PTPRK: variants seen among roughly 807,000 people sequenced by gnomAD.
The protein encoded by PTPRK is receptor-type tyrosine-protein phosphatase kappa.
A neutral mutation model predicts 178.0 loss-of-function variants in PTPRK; 75 were observed. The observed-to-expected ratio is 0.42, with a 90% CI of 0.35 to 0.51. The LOEUF is 0.51. Among genes scored for constraint, PTPRK ranks in the 20% least tolerant of loss-of-function variants. PTPRK has a pLI of 0.02. For synonymous variants in PTPRK, 637 were observed against 620.6 expected (o/e 1.03, Z -0.39); for missense variants, 1,441 against 1,797.8 (o/e 0.80, Z 3.59).
Position 128,520,386 on chromosome 6 carries a change from C to G in PTPRK, c.-28G>C, listed in dbSNP as rs1858877124. 7 of 1,580,760 alleles carry G rather than the reference C, an allele frequency of 4.4e-6. No homozygotes were observed. Among genetic ancestry groups the G allele is most frequent in the African/African-American group, 1.3e-5 (1 of 74,198 alleles). On this transcript the variant is annotated 5_prime_UTR_variant, in exon 1 of 30. Transcript: ENST00000368226. Reference sequence around the variant, plus strand: ...CGAGTTTGGGAGAAGTTTCAAGCAGCTTTGCAAAGAGCTGCCGGGGGGATC... The same window carrying G: ...CGAGTTTGGGAGAAGTTTCAAGCAGGTTTGCAAAGAGCTGCCGGGGGGATC...
chr6:128,389,441 G>A (rs1839247095), intron 2 of PTPRK, among the ~76,000 whole-genome samples: 2 of 145,024 alleles, frequency 1.4e-5, no homozygotes, highest in Non-Finnish European at 3.0e-5. Context: ...GTGTGTGTGT[G>A]TGTATGTATT....
intron 7 of PTPRK, among the ~76,000 whole-genome samples, chr6:128,117,028 C>A (rs901638675): frequency 6.6e-6 from 1 of 152,048 alleles, no homozygotes; most frequent in Non-Finnish European, 1.5e-5. Flanking sequence ...TGCCTGTAGT[C>A]CCAGCTGCTC....
intron 25 of PTPRK, among the ~76,000 whole-genome samples, chr6:127,980,298 G>A (rs764560093): frequency 2.6e-5 from 4 of 151,632 alleles, no homozygotes; most frequent in East Asian, 1.9e-4. Flanking sequence ...CAACAAGAGC[G>A]AAACTCTGTC....
chr6:128,374,345 T>C (rs553042699), intron 2 of PTPRK, among the ~76,000 whole-genome samples: 4 of 152,138 alleles, frequency 2.6e-5, no homozygotes, highest in African/African-American at 7.2e-5. Context: ...ATCTATACAA[T>C]AAAGACTCCA....
intron 1 of PTPRK, among the ~76,000 whole-genome samples, chr6:128,478,521 G>A (rs1404765173): frequency 6.6e-6 from 1 of 152,076 alleles, no homozygotes; most frequent in East Asian, 1.9e-4. Flanking sequence ...ACAAAATAAT[G>A]TTACAAAACA....
intron 1 of PTPRK, among the ~76,000 whole-genome samples, chr6:128,451,965 C>A (rs986276372): frequency 6.6e-6 from 1 of 152,072 alleles, no homozygotes; most frequent in African/African-American, 2.4e-5. Flanking sequence ...TAAAGAAAAC[C>A]TACCAAATGC....
At chr6:128,218,290 C>T (rs1374993767) in intron 6 of PTPRK, among the ~76,000 whole-genome samples, 1 of 152,174 alleles carries the variant, frequency 6.6e-6, no homozygotes, top group Non-Finnish European at 1.5e-5. Context: ...ATAAGAGGGA[C>T]TCTATACATC....
intron 6 of PTPRK, among the ~76,000 whole-genome samples, chr6:128,191,621 C>G (rs1052955331): frequency 6.6e-6 from 1 of 151,794 alleles, no homozygotes; most frequent in Non-Finnish European, 1.5e-5. Flanking sequence ...TGGTAATTAG[C>G]TTGATAATTA....
intron 20 of PTPRK, 54 bp downstream of exon 20, chr6:127,991,240 G>A: frequency 7.4e-7 from 1 of 1,352,152 alleles, no homozygotes; most frequent in Non-Finnish European, 1.0e-6. Flanking sequence ...CTTACATGTT[G>A]CTTCTCAACT....
chr6:128,358,232 T>G (rs1268463964), intron 2 of PTPRK, among the ~76,000 whole-genome samples: 1 of 152,184 alleles, frequency 6.6e-6, no homozygotes, highest in Non-Finnish European at 1.5e-5. Flanking sequence ...ACTATAATGG[T>G]CCTTGGCCCT....
chr6:128,500,195 T>C (rs1584984570), intron 1 of PTPRK, among the ~76,000 whole-genome samples: 1 of 152,210 alleles, frequency 6.6e-6, no homozygotes, highest in East Asian at 1.9e-4. Context: ...CAGGCTGCAG[T>C]GAAGGAGTGG....
chr6:128,486,820 A>AGAAG (rs555080760), intron 1 of PTPRK, among the ~76,000 whole-genome samples: 24 of 149,554 alleles, frequency 1.6e-4, no homozygotes, highest in African/African-American at 3.7e-4. Flanking sequence ...AAGGAAGGAA[A>AGAAG]GAAGGAAGGA....
chr6:128,482,246 C>A (rs928504228), intron 1 of PTPRK, among the ~76,000 whole-genome samples: 11 of 152,122 alleles, frequency 7.2e-5, no homozygotes, highest in African/African-American at 2.7e-4. Context: ...GCTATAATAT[C>A]CACCCAAGCC....
At chr6:128,392,839 TAA>T (rs377504819) in intron 2 of PTPRK, among the ~76,000 whole-genome samples, 1 of 152,168 alleles carries the variant, frequency 6.6e-6, no homozygotes, top group African/African-American at 2.4e-5. Flanking sequence ...GTAATATTTA[TAA>T]AGACTAAGGT....
At chr6:128,285,163 T>C (rs1822268673) in intron 3 of PTPRK, among the ~76,000 whole-genome samples, 1 of 152,200 alleles carries the variant, frequency 6.6e-6, no homozygotes, top group Admixed American at 6.5e-5. Context: ...TTGTAGCAAA[T>C]TCTAATGTTC....
intron 3 of PTPRK, among the ~76,000 whole-genome samples, chr6:128,245,756 A>G (rs1231408294): frequency 6.6e-6 from 1 of 152,192 alleles, no homozygotes; most frequent in Non-Finnish European, 1.5e-5. Context: ...TTCCCATGTC[A>G]TTTTGTAAAT....
chr6:128,278,453 G>T (rs978091055), intron 3 of PTPRK, among the ~76,000 whole-genome samples: 4 of 152,082 alleles, frequency 2.6e-5, no homozygotes, highest in African/African-American at 9.7e-5. Flanking sequence ...ACTGCACCTG[G>T]CCAGGTCTTA....
chr6:128,148,615 A>G (rs1796823093), intron 7 of PTPRK, among the ~76,000 whole-genome samples: 3 of 152,120 alleles, frequency 2.0e-5, no homozygotes, highest in Admixed American at 6.6e-5. Context: ...TTTCCTGAAG[A>G]GACTTGATAT....
chr6:128,479,755 A>C (rs1253115590), intron 1 of PTPRK, among the ~76,000 whole-genome samples: 4 of 152,120 alleles, frequency 2.6e-5, no homozygotes, highest in Non-Finnish European at 4.4e-5. Context: ...TCTCACAGCA[A>C]ACAAATTAAG....
Sources: gnomAD v4.1 joint callset for allele counts (sites outside exome capture counted in the v4.1 genomes callset) on GRCh38, gnomAD v4.1.1 for gene constraint, MANE v1.5 for transcripts, NCBI Gene and HGNC (gene_info 2026-07-23, HGNC 2026-07-21) for gene names.